MGAT4C: variants seen among roughly 807,000 people sequenced by gnomAD.
The protein encoded by MGAT4C is MGAT4 family member C.
In MGAT4C, 19 loss-of-function variants were observed where a neutral mutation model predicts 40.1. That is an observed-to-expected ratio of 0.47 (90% CI 0.33 to 0.70). The LOEUF (loss-of-function observed/expected upper bound fraction) is 0.70. MGAT4C is among the 30% of genes least tolerant of loss of function. The pLI is 0.02. For synonymous variants in MGAT4C, 181 were observed against 187.1 expected (o/e 0.97, Z 0.27); for missense variants, 491 against 563.2 (o/e 0.87, Z 1.30).
At chr12:86,624,536 A>G (rs895724047) in intron 2 of MGAT4C, among the ~76,000 whole-genome samples, 5 of 152,204 alleles carry the variant, frequency 3.3e-5, no homozygotes, top group Non-Finnish European at 7.3e-5. Context: ...GGAAACGTCA[A>G]TGGTCACAGA....
At chr12:86,407,385 G>A (rs1024171796) in intron 3 of MGAT4C, among the ~76,000 whole-genome samples, 4 of 151,954 alleles carry the variant, frequency 2.6e-5, no homozygotes, top group Admixed American at 1.3e-4. Context: ...GATTATACAC[G>A]TTGTTAACCT....
In MGAT4C at chr12:85,974,987, A is replaced by G. The variant is rs1269652019; in HGVS notation, c.*4302T>C. On this transcript the variant is annotated 3_prime_UTR_variant, in exon 5 of 5. Coordinates refer to ENST00000611864, the MANE Select transcript of MGAT4C (RefSeq NM_001351288.2). Reference sequence around the variant, plus strand: ...GACTGCATTTCTGAGCTTAAGGTAGATTCTAAACAACATCTTAGAAACTAG... The same window carrying G: ...GACTGCATTTCTGAGCTTAAGGTAGGTTCTAAACAACATCTTAGAAACTAG... 1.3e-5 allele frequency: 2 copies of G among 150,730 alleles called. No individual in the cohort carries two copies. Among genetic ancestry groups the G allele is most frequent in the African/African-American group, 2.4e-5 (1 of 41,310 alleles). The allele number at this position is 150,730 out of a possible 1,614,324, so 9.3% of individuals were successfully genotyped here. A position where few individuals can be genotyped will look rare whatever the true frequency, so the allele number is the denominator to read the frequency against.
chr12:86,583,171 C>G (rs1266174069), intron 2 of MGAT4C, among the ~76,000 whole-genome samples: 4 of 151,158 alleles, frequency 2.6e-5, no homozygotes, highest in Non-Finnish European at 5.9e-5. Flanking sequence ...TGTTAAATAG[C>G]TTTACGCCTT....
intron 2 of MGAT4C, among the ~76,000 whole-genome samples, chr12:86,470,031 C>T (rs575455589): frequency 2.0e-5 from 3 of 152,102 alleles, no homozygotes; most frequent in Non-Finnish European, 2.9e-5. Flanking sequence ...AATAGTATTC[C>T]GCTGTATGTA....
chr12:86,494,665 A>T (rs2052097146), intron 2 of MGAT4C, among the ~76,000 whole-genome samples: 1 of 151,952 alleles, frequency 6.6e-6, no homozygotes. Context: ...GAAGAAATTA[A>T]AAACAAATGT....
At chr12:86,330,746 T>C (rs907385830) in intron 4 of MGAT4C, among the ~76,000 whole-genome samples, 1 of 152,208 alleles carries the variant, frequency 6.6e-6, no homozygotes, top group African/African-American at 2.4e-5. Flanking sequence ...CTAGGCACTG[T>C]ATATAGTGTT....
chr12:86,028,512 T>C (rs572596177), intron 2 of MGAT4C, among the ~76,000 whole-genome samples: 151 of 152,054 alleles, frequency 9.9e-4, no homozygotes, highest in Admixed American at 1.6e-3. Flanking sequence ...CCAGATAAAC[T>C]CTGGGCTCAT....
chr12:86,158,387 G>A (rs1462228895), intron 1 of MGAT4C, among the ~76,000 whole-genome samples: 1 of 152,018 alleles, frequency 6.6e-6, no homozygotes, highest in Non-Finnish European at 1.5e-5. Context: ...TTAAAATAAA[G>A]CAAATCAAGG....
chr12:86,641,900 C>G (rs1963401869), intron 2 of MGAT4C, among the ~76,000 whole-genome samples: 1 of 151,772 alleles, frequency 6.6e-6, no homozygotes, highest in Non-Finnish European at 1.5e-5. Context: ...TCTATAAATG[C>G]TCATGTTTGC....
chr12:86,340,598 TA>T (rs1042651659), intron 3 of MGAT4C, among the ~76,000 whole-genome samples: 9 of 152,198 alleles, frequency 5.9e-5, no homozygotes, highest in African/African-American at 1.4e-4. Flanking sequence ...ACTTTTCAGA[TA>T]AAAGCTTTGA....
rs113505654 is a variant in MGAT4C at position 86,541,200 on chromosome 12, A to T, written c.-228-105935T>A. Among the ~76,000 whole-genome samples, 502 of 152,332 alleles carry T rather than the reference A, an allele frequency of 3.3e-3. 1 individual carries two copies. Among genetic ancestry groups the T allele is most frequent in the African/African-American group, 0.012 (485 of 41,576 alleles). On this transcript the variant is annotated intron_variant, in intron 2 of 7. Transcript: ENST00000548651. ...TATAGGGAGACATAATCCAATATAG[A>T]CTGAGAAAAGAAATGCTTCCAACAA...
intron 3 of MGAT4C, among the ~76,000 whole-genome samples, chr12:86,354,867 A>G (rs1415584756): frequency 1.3e-5 from 2 of 152,202 alleles, no homozygotes; most frequent in African/African-American, 2.4e-5. Context: ...TAAAGATGGC[A>G]AAGACCCAAA....
intron 1 of MGAT4C, among the ~76,000 whole-genome samples, chr12:86,236,915 A>G (rs137882583): frequency 3.0e-4 from 46 of 151,882 alleles, no homozygotes; most frequent in African/African-American, 1.1e-3. Flanking sequence ...CCAAATTTGT[A>G]TACCTGGTAA....
chr12:86,585,953 A>C (rs12826202), intron 2 of MGAT4C, among the ~76,000 whole-genome samples: 1 of 150,388 alleles, frequency 6.6e-6, no homozygotes, highest in African/African-American at 2.4e-5. Context: ...CCCTTTTTTT[A>C]ATTATTATTA....
At chr12:86,786,312 C>T (rs982490816) in intron 1 of MGAT4C, among the ~76,000 whole-genome samples, 1 of 151,962 alleles carries the variant, frequency 6.6e-6, no homozygotes, top group Non-Finnish European at 1.5e-5. Flanking sequence ...TGTTAGAAAT[C>T]TGTAGGTTTC....
intron 4 of MGAT4C, among the ~76,000 whole-genome samples, chr12:86,314,509 A>G (rs1191102323): frequency 5.9e-5 from 9 of 152,210 alleles, no homozygotes; most frequent in Admixed American, 6.5e-5. Context: ...AACTATCTCT[A>G]TTTGCTGTCA....
At chr12:86,363,249 G>C (rs1336786427) in intron 3 of MGAT4C, among the ~76,000 whole-genome samples, 2 of 151,938 alleles carry the variant, frequency 1.3e-5, no homozygotes, top group African/African-American at 4.8e-5. Flanking sequence ...GTCAAGATAG[G>C]TCTCATCTAT....
At chr12:86,012,199 T>C (rs1888526107) in intron 2 of MGAT4C, among the ~76,000 whole-genome samples, 1 of 152,182 alleles carries the variant, frequency 6.6e-6, no homozygotes, top group Non-Finnish European at 1.5e-5. Flanking sequence ...TATCCCACGA[T>C]ACTTTTTATT....
Position 85,955,976 on chromosome 12 carries a change from AT to A in MGAT4C, c.*23312del, listed in dbSNP as rs1469076271. 1.3e-5 allele frequency: 2 copies of A among 152,214 alleles called. No individual in the cohort carries two copies. The highest frequency in any genetic ancestry group is 2.9e-5 in the Non-Finnish European group (2 of 68,018). The allele number at this position is 152,214 out of a possible 1,614,324, so 9.4% of individuals were successfully genotyped here. On this transcript the variant is annotated 3_prime_UTR_variant, in exon 5 of 5. Coordinates refer to ENST00000611864, the MANE Select transcript of MGAT4C (RefSeq NM_001351288.2). ...TTGTTAGGGCACAGAGAATATTGGTATTTTTGATGAAATTAAGTCCATGAAT... is the reference window on the plus strand; with the variant it reads ...TTGTTAGGGCACAGAGAATATTGGTATTTTGATGAAATTAAGTCCATGAAT...
Sources: gnomAD v4.1 joint callset for allele counts (sites outside exome capture counted in the v4.1 genomes callset) on GRCh38, gnomAD v4.1.1 for gene constraint, MANE v1.5 for transcripts, NCBI Gene and HGNC (gene_info 2026-07-23, HGNC 2026-07-21) for gene names.